The following GRID2 variants were observed in gnomAD, a reference collection of about 807,000 sequenced individuals.
The protein encoded by GRID2 is glutamate receptor ionotropic, delta-2.
In GRID2, 33 loss-of-function variants were observed where a neutral mutation model predicts 114.8. The ratio of observed to expected loss-of-function variants is 0.29; its 90% CI spans 0.22 to 0.38. GRID2 has a LOEUF of 0.38. Ranked by LOEUF, GRID2 falls within the 10% of genes least tolerant of loss-of-function variation. GRID2 has a pLI of 1.00. For missense variants in GRID2, 1,184 were observed against 1,257.7 expected, an observed-to-expected ratio of 0.94 and a Z score of 0.89; for synonymous variants, 505 against 449.9, an observed-to-expected ratio of 1.12 and a Z score of -1.55.
At chr4:92,549,865 A>G (rs1191460082) in intron 1 of GRID2, among the ~76,000 whole-genome samples, 1 of 152,170 alleles carries the variant, frequency 6.6e-6, no homozygotes, top group African/African-American at 2.4e-5. Flanking sequence ...AAGAAATACT[A>G]ATGTAATCTA....
intron 8 of GRID2, among the ~76,000 whole-genome samples, chr4:93,269,977 C>A (rs926841101): frequency 2.0e-5 from 3 of 151,960 alleles, no homozygotes; most frequent in Non-Finnish European, 2.9e-5. Context: ...TAAATACTTA[C>A]AATAAGGCAA....
intron 2 of GRID2, among the ~76,000 whole-genome samples, chr4:92,996,597 C>T (rs1578707314): frequency 6.6e-6 from 1 of 152,224 alleles, no homozygotes; most frequent in East Asian, 1.9e-4. Flanking sequence ...GCTGAAAATC[C>T]TCATTCTACA....
At chr4:93,664,522 A>T (rs1047555458) in intron 14 of GRID2, among the ~76,000 whole-genome samples, 1 of 152,164 alleles carries the variant, frequency 6.6e-6, no homozygotes, top group African/African-American at 2.4e-5. Flanking sequence ...ATTTGCTAAC[A>T]TGTTGGATGT....
intron 13 of GRID2, among the ~76,000 whole-genome samples, chr4:93,596,100 A>G (rs1230713688): frequency 6.6e-6 from 1 of 152,170 alleles, no homozygotes; most frequent in Non-Finnish European, 1.5e-5. Context: ...ACTTTTTGCT[A>G]ATTTCCTATT....
intron 2 of GRID2, among the ~76,000 whole-genome samples, chr4:92,924,486 G>A (rs866192273): frequency 1.1e-4 from 16 of 151,946 alleles, no homozygotes; most frequent in African/African-American, 1.7e-4. Flanking sequence ...CACCATTTCT[G>A]AAATTAAGTT....
At chr4:93,800,586 A>G (rs1204009212) in intron 1 of GRID2, among the ~76,000 whole-genome samples, 1 of 152,220 alleles carries the variant, frequency 6.6e-6, no homozygotes, top group Non-Finnish European at 1.5e-5. Flanking sequence ...ATAGCATTTT[A>G]ATGGGTATCA....
intron 14 of GRID2, among the ~76,000 whole-genome samples, chr4:93,728,362 A>C: frequency 6.6e-6 from 1 of 151,850 alleles, no homozygotes; most frequent in Non-Finnish European, 1.5e-5. Context: ...AGTTTGTTAT[A>C]ATTTCTGTTC....
At chr4:92,781,548 G>T (rs1477847988) in intron 2 of GRID2, among the ~76,000 whole-genome samples, 1 of 152,016 alleles carries the variant, frequency 6.6e-6, no homozygotes, top group African/African-American at 2.4e-5. Flanking sequence ...AAATGATAGA[G>T]ATGGTTGGAA....
intron 2 of GRID2, among the ~76,000 whole-genome samples, chr4:92,793,421 T>TC (rs1739688334): frequency 6.6e-6 from 1 of 151,428 alleles, no homozygotes; most frequent in Non-Finnish European, 1.5e-5. Flanking sequence ...AGGGAGAAGA[T>TC]CAGGAAAAAT....
chr4:93,766,849 T>C (rs1258587253), intron 14 of GRID2, among the ~76,000 whole-genome samples: 1 of 152,216 alleles, frequency 6.6e-6, no homozygotes, highest in African/African-American at 2.4e-5. Flanking sequence ...AAATTTTTAA[T>C]GTACAATACA....
Position 93,515,408 on chromosome 4 carries a change from A to C in GRID2, c.2190A>C (p.Gln730His). The change falls in exon 13 of 16, where the codon CAA becomes CAC. Residue 730 changes from glutamine to histidine, a missense_variant. Coordinates refer to ENST00000282020, the MANE Select transcript of GRID2 (RefSeq NM_001510.4). The stretch of plus-strand genomic sequence containing the variant: ...TTCTGGAGTCCCAGGCAGGCATTCA[A>C]AAGGTACTGTCCATGGTTCTCCTTT... ...NNVLESQAGIQKVKYGNYAFV... is the reference protein window; with the variant it reads ...NNVLESQAGIHKVKYGNYAFV... 6.3e-7 allele frequency: 1 copy of C among 1,599,922 alleles called. No homozygotes were observed. The highest frequency in any genetic ancestry group is 8.6e-7 in the Non-Finnish European group (1 of 1,167,788).
At chr4:92,659,591 T>C (rs913111247) in intron 2 of GRID2, among the ~76,000 whole-genome samples, 1 of 151,582 alleles carries the variant, frequency 6.6e-6, no homozygotes, top group African/African-American at 2.4e-5. Context: ...AATATTTTTG[T>C]TTTCTAAGAT....
intron 2 of GRID2, among the ~76,000 whole-genome samples, chr4:93,037,890 C>CT (rs1725074697): frequency 6.6e-6 from 1 of 152,092 alleles, no homozygotes; most frequent in South Asian, 2.1e-4. Flanking sequence ...CAGCTTTCTT[C>CT]TTTTTTATTA....
At chr4:92,774,116 T>C (rs1399564573) in intron 2 of GRID2, among the ~76,000 whole-genome samples, 1 of 152,104 alleles carries the variant, frequency 6.6e-6, no homozygotes, top group East Asian at 1.9e-4. Flanking sequence ...ATGTAAGTGA[T>C]CTGGATCCAG....
intron 11 of GRID2, among the ~76,000 whole-genome samples, chr4:93,475,412 T>C: frequency 6.6e-6 from 1 of 152,140 alleles, no homozygotes; most frequent in East Asian, 1.9e-4. Context: ...TCCCTTTTTC[T>C]CTATCAAATT....
At chr4:93,179,830 C>T (rs528245819) in intron 4 of GRID2, among the ~76,000 whole-genome samples, 19 of 152,176 alleles carry the variant, frequency 1.2e-4, no homozygotes, top group African/African-American at 4.1e-4. Flanking sequence ...CTCCTTCAAA[C>T]GATGGGGGGA....
In GRID2 at chr4:93,421,005, G is replaced by A. The variant is rs575473436; in HGVS notation, c.1348-1766G>A. On this transcript the variant is annotated intron_variant, in intron 9 of 15. Transcript: ENST00000282020. ...CCTGACCTCGTGATCCGCCCACTTC[G>A]GTCTCCCAAAGTGCTGGGATATTTC... is the stretch of plus-strand genomic sequence containing the variant. Among the ~76,000 whole-genome samples the A allele has an allele frequency of 6.6e-5, 10 of 152,088 alleles. No individual in the cohort carries two copies. The South Asian group carries it at 8.3e-4, about 13-fold the overall frequency.
intron 1 of GRID2, among the ~76,000 whole-genome samples, chr4:92,496,332 C>T (rs1490007144): frequency 2.0e-5 from 3 of 151,754 alleles, no homozygotes; most frequent in Non-Finnish European, 4.4e-5. Context: ...TTGAAGATTT[C>T]AGTTTACTGG....
intron 14 of GRID2, among the ~76,000 whole-genome samples, chr4:93,661,143 G>A (rs1030497065): frequency 1.8e-4 from 28 of 152,232 alleles, no homozygotes; most frequent in African/African-American, 6.0e-4. Context: ...CATTATTCAC[G>A]ATTCTGCATC....
Sources: allele counts gnomAD v4.1 joint callset (sites outside exome capture counted in the v4.1 genomes callset), GRCh38; gene constraint gnomAD v4.1.1; transcripts MANE v1.5; gene names NCBI Gene and HGNC (gene_info 2026-07-23, HGNC 2026-07-21).